REDIC1: variants seen among roughly 807,000 people sequenced by gnomAD.
REDIC1 encodes the protein HEI10 Interacting Protein 1.
chr12:39,748,185 C>T, the REDIC1 span, among the ~76,000 whole-genome samples: 3 of 152,090 alleles, frequency 2.0e-5, no homozygotes, highest in Admixed American at 6.5e-5. Context: ...ACCCATCTCA[C>T]ATTCAGAGAC....
the REDIC1 span, chr12:39,716,830 T>A: frequency 6.3e-7 from 1 of 1,592,928 alleles, no homozygotes; most frequent in Non-Finnish European, 8.5e-7. Flanking sequence ...CAGTTCTAGT[T>A]CAGATTTGGT....
chr12:39,899,369 C>G, the REDIC1 span, among the ~76,000 whole-genome samples: 1 of 152,152 alleles, frequency 6.6e-6, no homozygotes, highest in African/African-American at 2.4e-5. Flanking sequence ...ATTCTCCTCT[C>G]TTTTCTTCTT....
At chr12:39,810,390 A>G in the REDIC1 span, among the ~76,000 whole-genome samples, 1 of 152,152 alleles carries the variant, frequency 6.6e-6, no homozygotes, top group Non-Finnish European at 1.5e-5. Context: ...ACTTTGTTAC[A>G]TTCATTTATT....
chr12:39,708,302 C>A, the REDIC1 span, among the ~76,000 whole-genome samples: 1 of 151,802 alleles, frequency 6.6e-6, no homozygotes, highest in South Asian at 2.1e-4. Context: ...TATGTATCCA[C>A]AAAAATTAAA....
the REDIC1 span, among the ~76,000 whole-genome samples, chr12:39,886,288 C>G: frequency 1.1e-3 from 173 of 152,122 alleles, 3 homozygotes; most frequent in Middle Eastern, 6.8e-3. Flanking sequence ...ATATTGACAG[C>G]GCTGTGCCCT....
the REDIC1 span, among the ~76,000 whole-genome samples, chr12:39,677,085 A>G: frequency 4.6e-5 from 7 of 151,892 alleles, no homozygotes; most frequent in Non-Finnish European, 1.0e-4. Flanking sequence ...ATAGAAAAGT[A>G]CTTCACATGT....
chr12:39,653,801 G>C, the REDIC1 span, among the ~76,000 whole-genome samples: 1 of 151,976 alleles, frequency 6.6e-6, no homozygotes, highest in Non-Finnish European at 1.5e-5. Flanking sequence ...GTTAGCTATA[G>C]GTGTTTTTGT....
chr12:39,810,666 G>A, the REDIC1 span, among the ~76,000 whole-genome samples: 1 of 152,110 alleles, frequency 6.6e-6, no homozygotes. Flanking sequence ...CCAGCCTTCT[G>A]AGAGTTTTTA....
At chr12:39,728,052 G>A in the REDIC1 span, among the ~76,000 whole-genome samples, 1 of 151,938 alleles carries the variant, frequency 6.6e-6, no homozygotes, top group Admixed American at 6.6e-5. Context: ...GGAGATTTTG[G>A]GCTGAGACAA....
At chr12:39,783,589 T>A in the REDIC1 span, among the ~76,000 whole-genome samples, 1 of 152,254 alleles carries the variant, frequency 6.6e-6, no homozygotes, top group Non-Finnish European at 1.5e-5. Context: ...GGTATCTCAT[T>A]GTGGCTTTGA....
At chr12:39,702,780 A>G in the REDIC1 span, among the ~76,000 whole-genome samples, 2 of 152,248 alleles carry the variant, frequency 1.3e-5, no homozygotes, top group African/African-American at 2.4e-5. Flanking sequence ...CTGGTTCAAT[A>G]TACGCAAATC....
the REDIC1 span, chr12:39,648,087 A>G: frequency 5.5e-6 from 4 of 732,136 alleles, no homozygotes; most frequent in East Asian, 1.3e-4. Context: ...CTATACATAT[A>G]AACAAATTAG....
the REDIC1 span, among the ~76,000 whole-genome samples, chr12:39,896,206 A>C: frequency 6.7e-6 from 1 of 148,174 alleles, no homozygotes; most frequent in Non-Finnish European, 1.5e-5. Context: ...GTATGTATAC[A>C]TGTATATACG....
the REDIC1 span, among the ~76,000 whole-genome samples, chr12:39,866,806 T>C: frequency 6.6e-6 from 1 of 152,190 alleles, no homozygotes; most frequent in African/African-American, 2.4e-5. Flanking sequence ...TATAACATGT[T>C]AGTTATTATG....
At chr12:39,885,610 CA>C in the REDIC1 span, among the ~76,000 whole-genome samples, 2 of 152,130 alleles carry the variant, frequency 1.3e-5, no homozygotes, top group East Asian at 3.8e-4. Flanking sequence ...ACCACCGAAG[CA>C]CCCAGAGAAA....
the REDIC1 span, chr12:39,684,989 C>G: frequency 6.1e-6 from 7 of 1,147,738 alleles, no homozygotes; most frequent in East Asian, 1.7e-4. Context: ...TATCACATTA[C>G]TGTATTTAAC....
the REDIC1 span, chr12:39,647,757 T>C: frequency 2.3e-6 from 3 of 1,329,612 alleles, no homozygotes; most frequent in Non-Finnish European, 3.0e-6. Flanking sequence ...TTATATATTT[T>C]GGTAATGTAA....
At chr12:39,788,837 C>A in the REDIC1 span, among the ~76,000 whole-genome samples, 1 of 152,134 alleles carries the variant, frequency 6.6e-6, no homozygotes, top group Non-Finnish European at 1.5e-5. Flanking sequence ...ATCTAAATTT[C>A]CAGACTCAAA....
At chr12:39,833,387 C>T in the REDIC1 span, among the ~76,000 whole-genome samples, 1 of 152,048 alleles carries the variant, frequency 6.6e-6, no homozygotes, top group Non-Finnish European at 1.5e-5. Context: ...AGAACAACTG[C>T]TCTGCTACCT....
Sources: allele counts gnomAD v4.1 joint callset (sites outside exome capture counted in the v4.1 genomes callset), GRCh38; gene constraint gnomAD v4.1.1; transcripts MANE v1.5; gene names NCBI Gene and HGNC (gene_info 2026-07-23, HGNC 2026-07-21).